The following ZNF503 variants were observed in gnomAD, a reference collection of about 807,000 sequenced individuals.
ZNF503 encodes NocA-like zinc finger 2.
Under a neutral mutation model 34.4 loss-of-function variants are expected in ZNF503, and 15 were observed. The observed-to-expected ratio is 0.44, with a 90% CI of 0.29 to 0.67. ZNF503 has a LOEUF of 0.67. ZNF503 is among the 30% of genes least tolerant of loss of function. The pLI is 0.13. For missense variants in ZNF503, 1,007 were observed against 926.8 expected, an observed-to-expected ratio of 1.09 and a Z score of -1.12; for synonymous variants, 580 against 456.8, an observed-to-expected ratio of 1.27 and a Z score of -3.44.
At chr10:75,334,752 C>CT in the ZNF503 span, among the ~76,000 whole-genome samples, 1 of 152,168 alleles carries the variant, frequency 6.6e-6, no homozygotes, top group African/African-American at 2.4e-5. Context: ...GCCCAGAAGT[C>CT]TTTTTTGTTT....
At chr10:75,299,709 C>T in the ZNF503 span, among the ~76,000 whole-genome samples, 6 of 152,222 alleles carry the variant, frequency 3.9e-5, no homozygotes, top group South Asian at 4.2e-4. Flanking sequence ...AATTTTAAAG[C>T]TGGGCATCTG....
the ZNF503 span, among the ~76,000 whole-genome samples, chr10:75,390,660 G>A: frequency 6.6e-6 from 1 of 152,148 alleles, no homozygotes; most frequent in Non-Finnish European, 1.5e-5. Flanking sequence ...ACCCACCAAA[G>A]GTCGGCAACA....
At chr10:75,392,183 G>GT in the ZNF503 span, among the ~76,000 whole-genome samples, 1 of 152,222 alleles carries the variant, frequency 6.6e-6, no homozygotes, top group African/African-American at 2.4e-5. Flanking sequence ...GGATGGACTA[G>GT]TAAGTGTGCA....
the ZNF503 span, among the ~76,000 whole-genome samples, chr10:75,354,766 G>A: frequency 6.6e-6 from 1 of 152,136 alleles, no homozygotes; most frequent in African/African-American, 2.4e-5. Flanking sequence ...ATGAAAGATC[G>A]CTGCACAGAG....
In ZNF503 at chr10:75,401,571, C is replaced by T. The variant is rs1843825042; in HGVS notation, c.-152G>A. On this transcript the variant is annotated 5_prime_UTR_variant, in exon 1 of 2. Transcript: ENST00000372524. ...GGCGCCCAGCGCGCCTTCTCGGCGCCTGGAGCCAGACGCGAGTAATCCTGG... is the reference window on the plus strand; with the variant it reads ...GGCGCCCAGCGCGCCTTCTCGGCGCTTGGAGCCAGACGCGAGTAATCCTGG... 8 of 911,638 alleles carry T rather than the reference C, an allele frequency of 8.8e-6. No homozygotes were observed. In the South Asian group the frequency reaches 1.1e-4, roughly 12 times the overall value. The allele number at this position is 911,638 out of a possible 1,614,324, so 56.5% of individuals were successfully genotyped here.
the ZNF503 span, among the ~76,000 whole-genome samples, chr10:75,299,416 T>C: frequency 6.6e-6 from 1 of 152,244 alleles, no homozygotes; most frequent in Non-Finnish European, 1.5e-5. Flanking sequence ...TATTGAACTT[T>C]CTGAGTATTA....
At chr10:75,381,802 A>ATTTTTTTTTT in the ZNF503 span, among the ~76,000 whole-genome samples, 56 of 41,308 alleles carry the variant, frequency 1.4e-3, 1 homozygote, top group Non-Finnish European at 2.2e-3. Flanking sequence ...ACAGAACCTA[A>ATTTTTTTTTT]TTCTTTTTTT....
chr10:75,359,533 G>C, the ZNF503 span, among the ~76,000 whole-genome samples: 2 of 152,220 alleles, frequency 1.3e-5, no homozygotes, highest in African/African-American at 4.8e-5. Flanking sequence ...TGAGTTGACT[G>C]CTCTTGAGTT....
chr10:75,388,371 G>A, the ZNF503 span, among the ~76,000 whole-genome samples: 739 of 152,340 alleles, frequency 4.9e-3, 9 homozygotes, highest in African/African-American at 0.017. Context: ...TGAGTGAGGA[G>A]TTGGGAAGAG....
At chr10:75,296,819 C>T in the ZNF503 span, among the ~76,000 whole-genome samples, 1 of 152,020 alleles carries the variant, frequency 6.6e-6, no homozygotes, top group Admixed American at 6.6e-5. Context: ...CAGGAGAGGA[C>T]GTGTAGGTAC....
the ZNF503 span, among the ~76,000 whole-genome samples, chr10:75,295,204 G>C: frequency 5.9e-5 from 9 of 151,796 alleles, no homozygotes; most frequent in African/African-American, 2.2e-4. The surrounding 1 kb of genome is among the most constrained non-coding windows in gnomAD (Gnocchi z 4.0). Flanking sequence ...CGCGGGGCGG[G>C]CCCGCCTGGG....
rs1180036878 is a variant in ZNF503 at position 75,399,423 on chromosome 10, T to C, written c.1267A>G (p.Thr423Ala). Reference sequence around the variant, plus strand: ...TAAGGGTCCCGGCACAAACTGGCTGTCATCACGGACGGCGGAGACGCTCCG... The same window carrying C: ...TAAGGGTCCCGGCACAAACTGGCTGCCATCACGGACGGCGGAGACGCTCCG... ...LAGASPPSVM[T>A]ASLCRDPYCL... Residue 423 changes from threonine (T) to alanine (A), a missense_variant, in exon 2 of 2, where the codon ACA becomes GCA. Thr to Ala is a moderately conservative substitution (Grantham distance 58). Transcript: ENST00000372524. 1 of 1,602,384 alleles carries C rather than the reference T, an allele frequency of 6.2e-7. No individual in the cohort carries two copies. The highest frequency in any genetic ancestry group is 1.1e-5 in the South Asian group (1 of 90,552).
chr10:75,391,642 C>CA, the ZNF503 span, among the ~76,000 whole-genome samples: 1 of 152,176 alleles, frequency 6.6e-6, no homozygotes, highest in African/African-American at 2.4e-5. Flanking sequence ...TCCTCTAAGG[C>CA]CACTGCTACT....
At chr10:75,327,565 G>A in the ZNF503 span, among the ~76,000 whole-genome samples, 3 of 152,160 alleles carry the variant, frequency 2.0e-5, no homozygotes, top group African/African-American at 7.2e-5. Flanking sequence ...AAACATGGGA[G>A]TGCAGATAAT....
downstream of ZNF503, among the ~76,000 whole-genome samples, chr10:75,394,662 C>T (rs1397884193): frequency 6.6e-6 from 1 of 152,252 alleles, no homozygotes; most frequent in Non-Finnish European, 1.5e-5. Flanking sequence ...CTTCTCCTGT[C>T]TGCTGTCGGA....
chr10:75,400,504 A>G (rs1843783719), intron 1 of ZNF503, 130 bp from the exon 2 acceptor site: 15 of 1,429,606 alleles, frequency 1.0e-5, no homozygotes, highest in Non-Finnish European at 1.4e-5. Flanking sequence ...CCCAAGGCGC[A>G]ATTCTAGGCG....
At chr10:75,355,904 G>C in the ZNF503 span, among the ~76,000 whole-genome samples, 1 of 152,192 alleles carries the variant, frequency 6.6e-6, no homozygotes, top group Non-Finnish European at 1.5e-5. Context: ...TCATCAGAAG[G>C]CTTGTTCACT....
At position 75,399,664 on chromosome 10, in the gene ZNF503, G is replaced by T. The variant is rs201398115; in HGVS notation, c.1026C>A (p.Pro342=). 5.0e-6 allele frequency: 8 copies of T among 1,599,568 alleles called. No individual in the cohort carries two copies. The highest frequency in any genetic ancestry group is 6.8e-6 in the Non-Finnish European group (8 of 1,179,574). Residue 342 remains proline (P), a synonymous_variant, in exon 2 of 2, where the codon CCC becomes CCA. Coordinates refer to ENST00000372524, the MANE Select transcript of ZNF503 (RefSeq NM_032772.6). ...GGAACACTGTCTGGCCCGGCTTGTA[G>T]GGTGACACGGGAGCCACCAGCCCAG... is the stretch of plus-strand genomic sequence containing the variant. ...LGSGLVAPVS[P]YKPGQTVFPL... is the part of the protein sequence containing the mutation.
chr10:75,291,151 G>T, the ZNF503 span, among the ~76,000 whole-genome samples: 1 of 152,198 alleles, frequency 6.6e-6, no homozygotes, highest in Non-Finnish European at 1.5e-5. Context: ...TGTTGAGGGA[G>T]ATGTCACTTT....
Sources: allele counts gnomAD v4.1 joint callset (sites outside exome capture counted in the v4.1 genomes callset), GRCh38; gene constraint gnomAD v4.1.1; non-coding constraint Gnocchi (gnomAD v3.1); transcripts MANE v1.5; gene names NCBI Gene and HGNC (gene_info 2026-07-23, HGNC 2026-07-21).